Variants in ZNF532 observed in about 807,000 individuals in gnomAD.
ZNF532 encodes zinc finger protein 532.
In ZNF532, 22 loss-of-function variants were observed where a neutral mutation model predicts 89.3. The ratio of observed to expected loss-of-function variants is 0.25; its 90% CI spans 0.18 to 0.35. The LOEUF is 0.35. Ranked by LOEUF, ZNF532 falls within the 10% of genes least tolerant of loss-of-function variation. The probability of loss-of-function intolerance (pLI) is 1.00; values close to 1 mark genes in which losing one functional copy is unlikely to be tolerated. For synonymous variants in ZNF532, 606 were observed against 649.6 expected (o/e 0.93, Z 1.02); for missense variants, 1,132 against 1,643.4 (o/e 0.69, Z 5.38).
At chr18:58,943,354 G>T (rs1180311163) in intron 5 of ZNF532, among the ~76,000 whole-genome samples, 8 of 151,160 alleles carry the variant, frequency 5.3e-5, no homozygotes, top group African/African-American at 1.9e-4. Flanking sequence ...TAGAGCCGGG[G>T]TTTCACCATG....
At chr18:58,907,701 C>G (rs192234489) in intron 2 of ZNF532, among the ~76,000 whole-genome samples, 1 of 152,066 alleles carries the variant, frequency 6.6e-6, no homozygotes, top group Non-Finnish European at 1.5e-5. Context: ...GCATGTCTTC[C>G]GTCTGCCTCC....
intron 2 of ZNF532, among the ~76,000 whole-genome samples, chr18:58,906,427 TG>T (rs2059940250): frequency 6.6e-6 from 1 of 152,214 alleles, no homozygotes; most frequent in African/African-American, 2.4e-5. Flanking sequence ...GTAGTTTTTT[TG>T]TTTTTTTTGG....
chr18:58,884,343 T>C (rs1367832331), intron 2 of ZNF532, among the ~76,000 whole-genome samples: 1 of 152,266 alleles, frequency 6.6e-6, no homozygotes, highest in African/African-American at 2.4e-5. Context: ...ATTGTACCAC[T>C]GTACTCTAGC....
At chr18:58,867,990 C>G (rs1446734379) in intron 2 of ZNF532, among the ~76,000 whole-genome samples, 1 of 152,244 alleles carries the variant, frequency 6.6e-6, no homozygotes, top group Non-Finnish European at 1.5e-5. Context: ...ATGCCTTTGA[C>G]TGTGAGTTAG....
chr18:58,936,466 T>C (rs1413727053), intron 4 of ZNF532, among the ~76,000 whole-genome samples: 6 of 152,240 alleles, frequency 3.9e-5, no homozygotes, highest in African/African-American at 1.4e-4. Context: ...TCTTCAATTT[T>C]AGCTATTGCT....
At chr18:58,922,647 G>A (rs2061202678) in intron 3 of ZNF532, among the ~76,000 whole-genome samples, 1 of 152,126 alleles carries the variant, frequency 6.6e-6, no homozygotes. Flanking sequence ...ATCCTAACAG[G>A]ATGCAGTAAA....
At chr18:58,926,428 C>T (rs1194519304) in intron 3 of ZNF532, 2 of 152,248 alleles carry the variant, frequency 1.3e-5, no homozygotes, top group Non-Finnish European at 2.9e-5. Context: ...ACCTCCATCT[C>T]CTGGGTTCAA....
chr18:58,866,320 C>T (rs568920885), intron 2 of ZNF532, among the ~76,000 whole-genome samples: 1 of 152,228 alleles, frequency 6.6e-6, no homozygotes, highest in Non-Finnish European at 1.5e-5. Flanking sequence ...CCTTCCAAAA[C>T]CAGAGGTTGG....
chr18:58,976,483 T>C (rs1291213296), intron 7 of ZNF532, among the ~76,000 whole-genome samples: 1 of 152,228 alleles, frequency 6.6e-6, no homozygotes, highest in African/African-American at 2.4e-5. Flanking sequence ...AAGATACATT[T>C]TTCTTTATAA....
At chr18:58,909,366 C>T (rs903897822) in intron 2 of ZNF532, among the ~76,000 whole-genome samples, 2 of 152,036 alleles carry the variant, frequency 1.3e-5, no homozygotes, top group Admixed American at 1.3e-4. Flanking sequence ...AGTTTGACCT[C>T]GTGTAGGGAG....
intron 5 of ZNF532, among the ~76,000 whole-genome samples, chr18:58,941,619 C>A (rs2063038949): frequency 6.6e-6 from 1 of 151,834 alleles, no homozygotes; most frequent in African/African-American, 2.4e-5. Context: ...CACACGCATA[C>A]CACCACGCCT....
At chr18:58,915,918 A>G (rs1233168369) in intron 2 of ZNF532, among the ~76,000 whole-genome samples, 1 of 152,228 alleles carries the variant, frequency 6.6e-6, no homozygotes, top group Admixed American at 6.5e-5. Context: ...CACCAAAGTC[A>G]TAAAGAGAGG....
At position 58,898,583 on chromosome 18, in the gene ZNF532, G is replaced by A. The variant is rs188295207; in HGVS notation, c.-17-19688G>A. On this transcript the variant is annotated intron_variant, in intron 2 of 9. Coordinates refer to ENST00000591808, the MANE Select transcript of ZNF532 (RefSeq NM_001375912.1). ...TGGACCAGCCCTGAGCCAGGCCCCG[G>A]AGTCTGCCCCGGCAGCCCAGCGTGA... 3.0e-4 allele frequency among the ~76,000 whole-genome samples: 46 copies of A among 152,318 alleles called. No homozygotes were observed. The East Asian group carries it at 4.0e-3, about 13-fold the overall frequency.
At chr18:58,886,320 T>C (rs942433480) in intron 2 of ZNF532, among the ~76,000 whole-genome samples, 3 of 152,186 alleles carry the variant, frequency 2.0e-5, no homozygotes, top group Non-Finnish European at 4.4e-5. Flanking sequence ...TTTACGTGTC[T>C]ATATGCTTAA....
At position 58,985,309 on chromosome 18, in the gene ZNF532, A is replaced by G. The variant is rs774156746; in HGVS notation, c.*843A>G. ...AAAGTTACAAATACGTAGTTAGACC[A>G]ATAGATTTATATAGTCAGGTTTTTG... On this transcript the variant is annotated 3_prime_UTR_variant, in exon 10 of 10. Coordinates refer to ENST00000591808, the MANE Select transcript of ZNF532 (RefSeq NM_001375912.1). 1 of 152,594 alleles carries G rather than the reference A, an allele frequency of 6.6e-6. No homozygotes were observed. Among genetic ancestry groups the G allele is most frequent in the Non-Finnish European group, 1.5e-5 (1 of 68,044 alleles). The allele number at this position is 152,594 out of a possible 1,614,324, so 9.5% of individuals were successfully genotyped here.
intron 2 of ZNF532, among the ~76,000 whole-genome samples, chr18:58,888,701 A>T (rs1254695035): frequency 8.2e-5 from 4 of 48,838 alleles, no homozygotes; most frequent in African/African-American, 4.7e-4. Flanking sequence ...AAAAAATTAT[A>T]TATATATATA....
intron 7 of ZNF532, among the ~76,000 whole-genome samples, chr18:58,974,135 G>A (rs1048624138): frequency 5.3e-5 from 8 of 151,498 alleles, no homozygotes; most frequent in Admixed American, 2.0e-4. Context: ...TTTTTTTTGC[G>A]GTAAAATTTT....
chr18:58,950,077 G>T (rs188631283), intron 6 of ZNF532, among the ~76,000 whole-genome samples: 270 of 152,304 alleles, frequency 1.8e-3, no homozygotes, highest in Non-Finnish European at 2.8e-3. Context: ...AGGGATGTTG[G>T]AATTAAACCA....
chr18:58,943,957 A>G (rs2063438848), intron 5 of ZNF532, among the ~76,000 whole-genome samples: 1 of 152,226 alleles, frequency 6.6e-6, no homozygotes, highest in African/African-American at 2.4e-5. Context: ...AAAACACGCA[A>G]AATTAGAATA....
Sources: allele counts gnomAD v4.1 joint callset (sites outside exome capture counted in the v4.1 genomes callset), GRCh38; gene constraint gnomAD v4.1.1; transcripts MANE v1.5; gene names NCBI Gene and HGNC (gene_info 2026-07-23, HGNC 2026-07-21).